The following NUP188 variants were observed in gnomAD, a reference collection of about 807,000 sequenced individuals.
NUP188 encodes the protein nucleoporin 188.
NUP188 carries 97 observed loss-of-function variants against 223.0 expected under a neutral mutation model. The observed-to-expected ratio is 0.43, with a 90% CI of 0.37 to 0.51. The LOEUF (loss-of-function observed/expected upper bound fraction) is 0.51, where lower values mean the gene tolerates loss of function less well. Among genes scored for constraint, NUP188 ranks in the 20% least tolerant of loss-of-function variants. The pLI is 0.00. For missense variants in NUP188, 1,947 were observed against 2,175.6 expected, an observed-to-expected ratio of 0.89 and a Z score of 2.09; for synonymous variants, 869 against 828.0, an observed-to-expected ratio of 1.05 and a Z score of -0.85.
chr9:128,969,564 A>G, intron 10 of NUP188, 50 bp downstream of exon 10: 1 of 1,022,244 alleles, frequency 9.8e-7, no homozygotes, highest in Non-Finnish European at 1.4e-6. Flanking sequence ...AGTTAGTAGT[A>G]GCTTTCAATT....
chr9:128,974,809 A>G (rs1842151760), intron 12 of NUP188, among the ~76,000 whole-genome samples: 1 of 151,320 alleles, frequency 6.6e-6, no homozygotes, highest in Non-Finnish European at 1.5e-5. Flanking sequence ...TGGAGTGCAG[A>G]ATACAGTGGC....
At chr9:128,975,215 T>C (rs1285030584) in intron 12 of NUP188, among the ~76,000 whole-genome samples, 3 of 151,060 alleles carry the variant, frequency 2.0e-5, no homozygotes, top group Non-Finnish European at 4.4e-5. Context: ...AATTAATTTC[T>C]TTTTCTTTTC....
intron 20 of NUP188, 105 bp from the exon 21 acceptor site, chr9:128,986,453 C>T: frequency 8.3e-7 from 1 of 1,208,268 alleles, no homozygotes; most frequent in Non-Finnish European, 1.1e-6. Flanking sequence ...CAAGGTTTGC[C>T]TAGATTTCCT....
In NUP188 at chr9:129,006,062, AAGG is replaced by A; in HGVS notation, c.4885_4887del (p.Glu1629del). On this transcript the variant is annotated inframe_deletion, in exon 42 of 44. Transcript: ENST00000372577. ...TGCTTCTCTTCAGCTGGACAAGAAA[AAGG>A]AGCCCCTCACCCAGGCAGTGGGGCT... The A allele has an allele frequency of 6.2e-7, 1 of 1,614,194 alleles. No homozygotes were observed. The highest frequency in any genetic ancestry group is 8.5e-7 in the Non-Finnish European group (1 of 1,180,022).
rs753916988 is a variant in NUP188, at chr9:128,982,634, C to T, written c.1602C>T (p.Tyr534=). The T allele has an allele frequency of 2.5e-6, 4 of 1,614,136 alleles. No homozygotes were observed. Among genetic ancestry groups the T allele is most frequent in the Non-Finnish European group, 3.4e-6 (4 of 1,179,984 alleles). Residue 534 remains tyrosine, a synonymous_variant, in exon 16 of 44, where the codon TAC becomes TAT. Coordinates refer to ENST00000372577, the MANE Select transcript of NUP188 (RefSeq NM_015354.3). ...GGGCATACCTGGTACGCTGGGAATA[C>T]TCCTATAGCAGCTGGACCCTCTTTA... ...DDRAYLVRWE[Y]SYSSWTLFTC...
Position 129,006,909 on chromosome 9 carries a change from C to A in NUP188, c.*231C>A. On this transcript the variant is annotated 3_prime_UTR_variant, in exon 44 of 44. Coordinates refer to ENST00000372577, the MANE Select transcript of NUP188 (RefSeq NM_015354.3). The stretch of plus-strand genomic sequence containing the variant: ...CTTCTGTGCTCAGGTCCTCACGCTG[C>A]AGACGCCCCCTAGAGGAACTTTCCT... 2.3e-6 allele frequency: 1 copy of A among 426,588 alleles called. No homozygotes were observed. The highest frequency in any genetic ancestry group is 4.1e-6 in the Non-Finnish European group (1 of 241,694). 26.4% of individuals were successfully genotyped at this position (426,588 alleles called of 1,614,324 possible).
At chr9:128,975,053 G>A (rs2131159506) in intron 12 of NUP188, among the ~76,000 whole-genome samples, 1 of 152,102 alleles carries the variant, frequency 6.6e-6, no homozygotes, top group Admixed American at 6.6e-5. Context: ...GAGCCACTAT[G>A]CCTGGCTGAA....
intron 25 of NUP188, among the ~76,000 whole-genome samples, chr9:128,991,661 G>T (rs554546348): frequency 6.6e-6 from 1 of 151,692 alleles, no homozygotes; most frequent in African/African-American, 2.4e-5. Context: ...GGGCAACACG[G>T]TGAAACCCCA....
At chr9:128,979,693 C>T (rs1301214797) in intron 13 of NUP188, among the ~76,000 whole-genome samples, 2 of 152,064 alleles carry the variant, frequency 1.3e-5, no homozygotes, top group African/African-American at 2.4e-5. Context: ...AGTGCAATGG[C>T]GCGATCTCGG....
chr9:128,969,095 A>G (rs934410836), intron 9 of NUP188, among the ~76,000 whole-genome samples: 6 of 152,010 alleles, frequency 3.9e-5, no homozygotes, highest in African/African-American at 7.3e-5. Context: ...TTTTTTCTCT[A>G]TTTATGACCG....
At chr9:128,996,772 T>C (rs1842533437) in intron 30 of NUP188, among the ~76,000 whole-genome samples, 1 of 152,138 alleles carries the variant, frequency 6.6e-6, no homozygotes, top group Admixed American at 6.6e-5. Context: ...ACCATCCTCT[T>C]TCCCCAAAGG....
chr9:128,994,083 G>A (rs1588287801), intron 27 of NUP188, among the ~76,000 whole-genome samples: 1 of 152,262 alleles, frequency 6.6e-6, no homozygotes, highest in Non-Finnish European at 1.5e-5. Context: ...GGAGTCTGCT[G>A]TCTTATTTCC....
chr9:129,000,972 GGTTGCAGTGAGCC>G (rs1224305306), intron 34 of NUP188, among the ~76,000 whole-genome samples: 2 of 152,104 alleles, frequency 1.3e-5, no homozygotes, highest in East Asian at 3.9e-4. Context: ...CAGGAGCGGA[GGTTGCAGTGAGCC>G]GAGATCGCGC....
chr9:128,964,854 G>A (rs1842006393), intron 8 of NUP188, among the ~76,000 whole-genome samples: 1 of 151,862 alleles, frequency 6.6e-6, no homozygotes, highest in African/African-American at 2.4e-5. Context: ...TTACAGGCAT[G>A]TGCCACCACG....
At chr9:128,965,995 C>A (rs1842021861) in intron 8 of NUP188, among the ~76,000 whole-genome samples, 2 of 151,786 alleles carry the variant, frequency 1.3e-5, no homozygotes, top group Non-Finnish European at 2.9e-5. Context: ...TGGGGTCTCA[C>A]CATGTTGGCC....
Position 128,983,386 on chromosome 9 carries a change from A to G in NUP188, c.1884+6A>G. 3 of 1,614,130 alleles carry G rather than the reference A, an allele frequency of 1.9e-6. No individual in the cohort carries two copies. The highest frequency in any genetic ancestry group is 2.5e-6 in the Non-Finnish European group (3 of 1,179,984). On this transcript the variant is annotated splice_donor_region_variant and intron_variant, in intron 18 of 43. Transcript: ENST00000372577. ...CTGCCCGCAATCCAGCAAAGGTGAG[A>G]TGCCAGATCTTCCCAAGAGCCAAAA...
chr9:128,949,970 G>A (rs1235165454), intron 2 of NUP188, among the ~76,000 whole-genome samples: 2 of 145,146 alleles, frequency 1.4e-5, no homozygotes, highest in Non-Finnish European at 3.0e-5. Flanking sequence ...CTCCCAGGCT[G>A]GAGTGTAAGT....
At chr9:128,996,241 C>G (rs1200103001) in intron 30 of NUP188, among the ~76,000 whole-genome samples, 1 of 151,930 alleles carries the variant, frequency 6.6e-6, no homozygotes, top group Non-Finnish European at 1.5e-5. Flanking sequence ...CCTCCGCCTT[C>G]CGGGTTCAAG....
At chr9:128,954,838 CA>C (rs1841846379) in intron 3 of NUP188, among the ~76,000 whole-genome samples, 1 of 150,330 alleles carries the variant, frequency 6.7e-6, no homozygotes, top group Non-Finnish European at 1.5e-5. Context: ...GAAAAATACA[CA>C]GAGGTGAGGT....
Sources: gnomAD v4.1 joint callset for allele counts (sites outside exome capture counted in the v4.1 genomes callset) on GRCh38, gnomAD v4.1.1 for gene constraint, MANE v1.5 for transcripts, NCBI Gene and HGNC (gene_info 2026-07-23, HGNC 2026-07-21) for gene names.